Variants in TBC1D5 observed in about 807,000 individuals in gnomAD.
TBC1D5 encodes TBC1 domain family member 5, also known as TBC1 domain family, member 5.
In TBC1D5, 75 loss-of-function variants were observed where a neutral mutation model predicts 100.3. The observed-to-expected ratio is 0.75, with a 90% CI of 0.62 to 0.91. TBC1D5 has a LOEUF of 0.91. Among genes scored for constraint, TBC1D5 ranks in the 40% least tolerant of loss-of-function variants. The pLI is 0.00. For missense variants in TBC1D5, 910 were observed against 942.4 expected (o/e 0.97, Z 0.45); for synonymous variants, 323 against 325.6 (o/e 0.99, Z 0.09).
At chr3:17,710,692 T>C (rs1577699737) in intron 1 of TBC1D5, among the ~76,000 whole-genome samples, 1 of 151,640 alleles carries the variant, frequency 6.6e-6, no homozygotes, top group East Asian at 1.9e-4. Flanking sequence ...TATTTATTTA[T>C]TTACTTATTT....
At chr3:17,368,106 G>A (rs1041348801) in intron 13 of TBC1D5, among the ~76,000 whole-genome samples, 1 of 120,888 alleles carries the variant, frequency 8.3e-6, no homozygotes, top group Admixed American at 8.1e-5. Flanking sequence ...TCATCCAGAA[G>A]ATAATACAGT....
At chr3:17,184,891 A>G (rs1033801278) in intron 19 of TBC1D5, 4 of 293,594 alleles carry the variant, frequency 1.4e-5, no homozygotes, top group Non-Finnish European at 2.6e-5. Flanking sequence ...TACTAATGAT[A>G]TAATCTTGGG....
At chr3:17,560,447 C>T (rs767868481) in intron 2 of TBC1D5, among the ~76,000 whole-genome samples, 1 of 151,850 alleles carries the variant, frequency 6.6e-6, no homozygotes, top group African/African-American at 2.4e-5. Context: ...GTGAGACACC[C>T]TGTCTCTAAA....
At chr3:17,595,048 A>G (rs1272979147) in intron 2 of TBC1D5, among the ~76,000 whole-genome samples, 1 of 152,130 alleles carries the variant, frequency 6.6e-6, no homozygotes. Context: ...GAAAAGTGTA[A>G]AAAGAGAGAC....
intron 16 of TBC1D5, among the ~76,000 whole-genome samples, chr3:17,248,140 C>T (rs1336309579): frequency 6.6e-6 from 1 of 152,064 alleles, no homozygotes; most frequent in Non-Finnish European, 1.5e-5. Flanking sequence ...TAAAGGCACC[C>T]GCCACCACAC....
At position 17,267,688 on chromosome 3, in the gene TBC1D5, C is replaced by T. The variant is rs569903880; in HGVS notation, c.1246-9097G>A. Among the ~76,000 whole-genome samples, 11 of 152,148 alleles carry T rather than the reference C, an allele frequency of 7.2e-5. No homozygotes were observed. In the South Asian group the frequency reaches 2.3e-3, roughly 32 times the overall value. ...CAAGAATAAGTCCTTGGACTGAGAA[C>T]TCTGATTTGGAAAATTTTTCTCCCA... is the stretch of plus-strand genomic sequence containing the variant. On this transcript the variant is annotated intron_variant, in intron 15 of 21. Coordinates refer to ENST00000253692, the Ensembl canonical transcript of TBC1D5.
chr3:17,687,274 CAAGTT>C (rs1398742715), intron 1 of TBC1D5, among the ~76,000 whole-genome samples: 2 of 151,928 alleles, frequency 1.3e-5, no homozygotes, highest in Non-Finnish European at 2.9e-5. Flanking sequence ...ATGTTTTCAA[CAAGTT>C]AATATGAGAG....
At chr3:17,346,953 A>C (rs17043427) in intron 13 of TBC1D5, among the ~76,000 whole-genome samples, 13,694 of 152,236 alleles carry the variant, frequency 0.09, 1,415 homozygotes, top group African/African-American at 0.25. Context: ...ATACTTGAAT[A>C]TATGGACTTT....
chr3:17,362,582 G>A (rs1483690071), intron 13 of TBC1D5, among the ~76,000 whole-genome samples: 5 of 151,620 alleles, frequency 3.3e-5, no homozygotes, highest in African/African-American at 9.7e-5. Flanking sequence ...AGAGGTTCTC[G>A]TGCCTCAGCC....
In TBC1D5 at chr3:17,713,698, G is replaced by A. The variant is rs997648517; in HGVS notation, c.-101+25645C>T. Among the ~76,000 whole-genome samples, 7 of 151,940 alleles carry A rather than the reference G, an allele frequency of 4.6e-5. No individual in the cohort carries two copies. In the South Asian group the frequency reaches 6.2e-4, roughly 13 times the overall value. ...AAAATTCAATGATAGAAGGACAATC[G>A]ACCCAATTAAAAAATAGGAAAAGAA... On this transcript the variant is annotated intron_variant, in intron 1 of 21. Coordinates refer to ENST00000253692, the Ensembl canonical transcript of TBC1D5.
intron 2 of TBC1D5, chr3:17,575,422 T>C (rs891620518): frequency 1.2e-4 from 18 of 152,036 alleles, no homozygotes; most frequent in Admixed American, 6.6e-5. Context: ...ACAAATAACA[T>C]TTTTACCTGA....
chr3:17,605,269 A>G (rs1420343512), intron 2 of TBC1D5, among the ~76,000 whole-genome samples: 16 of 152,224 alleles, frequency 1.1e-4, no homozygotes, highest in Admixed American at 1.0e-3. Context: ...TTAGTCACAT[A>G]GTATTAACTA....
chr3:17,221,053 T>A (rs2074229659), intron 17 of TBC1D5, among the ~76,000 whole-genome samples: 1 of 152,152 alleles, frequency 6.6e-6, no homozygotes, highest in Non-Finnish European at 1.5e-5. Context: ...TAAGGATTTC[T>A]ACTTCTTCTT....
Position 17,400,728 on chromosome 3 carries a change from G to A in TBC1D5, c.509+2453C>T, listed in dbSNP as rs144514616. Among the ~76,000 whole-genome samples the A allele has an allele frequency of 8.8e-3, 1,337 of 152,174 alleles. 10 individuals are homozygous for A. Among genetic ancestry groups the A allele is most frequent in the Middle Eastern group, 0.031 (9 of 294 alleles). On this transcript the variant is annotated intron_variant, in intron 8 of 21. Transcript: ENST00000253692. ...GCACCATCTAATCAGCTGCCAGTGT[G>A]GCTAGAATAAAGCAGGCAGAAGAAG...
intron 13 of TBC1D5, among the ~76,000 whole-genome samples, chr3:17,353,264 C>T (rs759137083): frequency 1.3e-4 from 19 of 151,876 alleles, no homozygotes; most frequent in South Asian, 4.1e-4. Flanking sequence ...CATTTCCCAG[C>T]GAAAACTATT....
At position 17,579,349 on chromosome 3, in the gene TBC1D5, T is replaced by C. The variant is rs904758312; in HGVS notation, c.-36+44500A>G. Among the ~76,000 whole-genome samples the C allele has an allele frequency of 2.6e-5, 4 of 152,096 alleles. No individual in the cohort carries two copies. In the East Asian group the frequency reaches 5.8e-4, roughly 22 times the overall value. On this transcript the variant is annotated intron_variant, in intron 2 of 21. Coordinates refer to ENST00000253692, the Ensembl canonical transcript of TBC1D5. ...TAGAAATACAGCCATCTTTCAATTA[T>C]TATGGGTTAATTTTCTATTTGTCTG...
intron 1 of TBC1D5, among the ~76,000 whole-genome samples, chr3:17,728,768 T>C (rs1383500576): frequency 1.3e-5 from 2 of 151,928 alleles, no homozygotes; most frequent in Admixed American, 1.3e-4. Flanking sequence ...TATGAAACCA[T>C]AAAAATGTAG....
intron 2 of TBC1D5, among the ~76,000 whole-genome samples, chr3:17,515,227 C>T (rs2095968848): frequency 6.6e-6 from 1 of 152,074 alleles, no homozygotes; most frequent in Admixed American, 6.5e-5. Context: ...TTGGTGCAAA[C>T]ATGGGGAGGC....
chr3:17,513,033 T>C (rs775727336), intron 2 of TBC1D5, among the ~76,000 whole-genome samples: 2 of 152,038 alleles, frequency 1.3e-5, no homozygotes, highest in Non-Finnish European at 2.9e-5. Context: ...ATATTTTCCA[T>C]GTAAAAAAAA....
Sources: gnomAD v4.1 joint callset for allele counts (sites outside exome capture counted in the v4.1 genomes callset) on GRCh38, gnomAD v4.1.1 for gene constraint, MANE v1.5 for transcripts, NCBI Gene and HGNC (gene_info 2026-07-23, HGNC 2026-07-21) for gene names.